The following ENO4 variants were observed in gnomAD, a reference collection of about 807,000 sequenced individuals.
ENO4 encodes enolase 4, also known as 2-phospho-D-glycerate hydro-lyase.
ENO4 carries 53 observed loss-of-function variants against 63.2 expected under a neutral mutation model. The observed-to-expected ratio is 0.84, with a 90% CI of 0.67 to 1.05. The LOEUF is 1.05. Among genes scored for constraint, ENO4 ranks in the 50% least tolerant of loss-of-function variants. The pLI is 0.00. For synonymous variants in ENO4, 266 were observed against 283.8 expected (o/e 0.94, Z 0.63); for missense variants, 719 against 772.0 (o/e 0.93, Z 0.81).
At chr10:116,900,407 A>T in intron 10 of ENO4, 1 of 782,094 alleles carries the variant, frequency 1.3e-6, no homozygotes, top group Non-Finnish European at 2.1e-6. Context: ...CTGTCAATTC[A>T]ACACATATTT....
At chr10:116,884,411 A>G (rs1200926247), downstream of ENO4, 1 of 370,840 alleles carries the variant, frequency 2.7e-6, no homozygotes, top group African/African-American at 2.1e-5. Context: ...GAAAGTAAGC[A>G]GCTTAAAAAA....
chr10:116,856,752 A>T, intron 3 of ENO4, 70 bp downstream of exon 3: 1 of 1,333,816 alleles, frequency 7.5e-7, no homozygotes, highest in Non-Finnish European at 9.9e-7. Flanking sequence ...CTGTAATCCC[A>T]GCACTTTGGG....
chr10:116,903,172 T>TC (rs1847815773), intron 10 of ENO4, among the ~76,000 whole-genome samples: 1 of 152,208 alleles, frequency 6.6e-6, no homozygotes. Context: ...GTTTCTATCT[T>TC]CCCCATTTAA....
At chr10:116,903,397 C>T (rs886201030) in intron 10 of ENO4, among the ~76,000 whole-genome samples, 2 of 151,918 alleles carry the variant, frequency 1.3e-5, no homozygotes, top group Non-Finnish European at 2.9e-5. Flanking sequence ...TGATGGTGGG[C>T]GCCTGTAATC....
chr10:116,861,805 A>G (rs565793302), intron 6 of ENO4, among the ~76,000 whole-genome samples: 1 of 152,112 alleles, frequency 6.6e-6, no homozygotes, highest in South Asian at 2.1e-4. Flanking sequence ...TAATAAGTTG[A>G]GTGATAGTTT....
intron 10 of ENO4, among the ~76,000 whole-genome samples, chr10:116,897,016 C>T (rs1199653426): frequency 2.6e-5 from 4 of 151,916 alleles, no homozygotes; most frequent in Admixed American, 6.5e-5. Flanking sequence ...CATGTTGGCC[C>T]GGCTGGTCTT....
intron 13 of ENO4, among the ~76,000 whole-genome samples, 154 bp downstream of exon 13, chr10:116,880,140 T>C (rs1437329591): frequency 6.6e-6 from 1 of 152,226 alleles, no homozygotes; most frequent in Non-Finnish European, 1.5e-5. Flanking sequence ...TGCCACAATG[T>C]ATATTGTTGT....
chr10:116,849,726 C>T lies in ENO4; in HGVS notation c.160C>T (p.His54Tyr). 2.0e-6 allele frequency: 3 copies of T among 1,521,606 alleles called. No homozygotes were observed. Among genetic ancestry groups the T allele is most frequent in the Non-Finnish European group, 2.6e-6 (3 of 1,132,542 alleles). The allele number at this position is 1,521,606 out of a possible 1,614,324, so 94.3% of individuals were successfully genotyped here. A position where few individuals can be genotyped will look rare whatever the true frequency, so the allele number is the denominator to read the frequency against. Residue 54 changes from histidine (H) to tyrosine (Y), a missense_variant, in exon 1 of 14, where the codon CAC (histidine) becomes TAC (tyrosine). By Grantham distance (83) the His-to-Tyr change is moderately conservative (BLOSUM62 2). Coordinates refer to ENST00000341276, the MANE Select transcript of ENO4 (RefSeq NM_001242699.2). ...FYLQPADVYG[H>Y]LANCFSKLAK... is the part of the protein sequence containing the mutation. ...CCTCCAGCCTGCCGACGTCTACGGGCACCTGGTAGGGACCTGGGACAAGCG... is the reference window on the plus strand; with the variant it reads ...CCTCCAGCCTGCCGACGTCTACGGGTACCTGGTAGGGACCTGGGACAAGCG...
chr10:116,881,548 A>T lies in ENO4; in HGVS notation c.1757A>T (p.Asn586Ile), dbSNP rs1174903921. 1.3e-6 allele frequency: 2 copies of T among 1,546,916 alleles called. No individual in the cohort carries two copies. The highest frequency in any genetic ancestry group is 2.0e-5 in the Admixed American group (1 of 49,938). ...FKEEHTFFYF[N>I]EEAEKAAEAL... is the part of the protein sequence containing the mutation. Reference sequence around the variant, plus strand: ...GAAGAACACACTTTTTTTTACTTTAATGAGGAAGCTGAAAAGGCTGCGGAG... The same window carrying T: ...GAAGAACACACTTTTTTTTACTTTATTGAGGAAGCTGAAAAGGCTGCGGAG... Residue 586 changes from asparagine to isoleucine, a missense_variant, in exon 14 of 14, where the codon AAT (asparagine) becomes ATT (isoleucine). Around this residue, in one of 3 missense-constraint regions of ENO4, gnomAD observed 168 missense variants for 163.3 expected, o/e 1.03. Transcript: ENST00000341276.
chr10:116,862,738 G>T, intron 6 of ENO4, 61 bp from the exon 7 acceptor site: 3 of 1,307,806 alleles, frequency 2.3e-6, no homozygotes, highest in Non-Finnish European at 2.2e-6. Flanking sequence ...CGTGTTATAA[G>T]TTTTTATACT....
At chr10:116,879,189 AG>A in intron 11 of ENO4, 101 bp from the exon 12 acceptor site, 3 of 747,650 alleles carry the variant, frequency 4.0e-6, no homozygotes, top group African/African-American at 1.8e-5. Context: ...GACTCTTCAC[AG>A]GGAAGTTTTA....
intron 10 of ENO4, among the ~76,000 whole-genome samples, chr10:116,898,623 T>C (rs894804598): frequency 6.6e-6 from 1 of 152,164 alleles, no homozygotes; most frequent in Non-Finnish European, 1.5e-5. Flanking sequence ...AGATGGTATA[T>C]ACTTATTAGA....
intron 3 of ENO4, 49 bp from the exon 4 acceptor site, chr10:116,858,941 T>C: frequency 7.9e-7 from 1 of 1,262,938 alleles, no homozygotes; most frequent in South Asian, 1.4e-5. Flanking sequence ...AATCACAGAG[T>C]GATATTCCTA....
intron 10 of ENO4, chr10:116,900,203 G>A (rs573690331): frequency 1.7e-4 from 40 of 235,158 alleles, no homozygotes; most frequent in Non-Finnish European, 2.5e-4. Flanking sequence ...CCGAATAATC[G>A]AGCATTAGGT....
rs1037753288 is a variant in ENO4 at position 116,856,578 on chromosome 10, G to C, written c.381G>C (p.Arg127Ser). 2 of 1,536,168 alleles carry C rather than the reference G, an allele frequency of 1.3e-6. No individual in the cohort carries two copies. Among genetic ancestry groups the C allele is most frequent in the African/African-American group, 1.4e-5 (1 of 73,156 alleles). Residue 127 changes from arginine (R) to serine (S), a missense_variant, in exon 3 of 14, where the codon AGG becomes AGC. Arg to Ser is a moderately radical substitution (Grantham distance 110). Coordinates refer to ENST00000341276, the MANE Select transcript of ENO4 (RefSeq NM_001242699.2). ...PELAKAEEAE[R>S]ASAVSTAVQW... ...TGGCCAAGGCGGAGGAGGCAGAGAGGGCCAGCGCGGTGAGCACCGCCGTGC... is the reference window on the plus strand; with the variant it reads ...TGGCCAAGGCGGAGGAGGCAGAGAGCGCCAGCGCGGTGAGCACCGCCGTGC...
At chr10:116,901,662 G>C in intron 10 of ENO4, 1 of 1,354,736 alleles carries the variant, frequency 7.4e-7, no homozygotes, top group Non-Finnish European at 9.5e-7. Context: ...ATTTACCGGC[G>C]AGCCAATCAA....
At chr10:116,899,673 G>A (rs565558793) in intron 10 of ENO4, among the ~76,000 whole-genome samples, 1 of 152,234 alleles carries the variant, frequency 6.6e-6, no homozygotes, top group East Asian at 1.9e-4. Flanking sequence ...AAACACTAAC[G>A]GTGGTGTTGC....
intron 1 of ENO4, among the ~76,000 whole-genome samples, chr10:116,852,180 G>T (rs916152945): frequency 3.3e-5 from 5 of 152,166 alleles, no homozygotes; most frequent in Admixed American, 2.6e-4. Context: ...AGAAGGATGT[G>T]TTTGCTTCTC....
intron 7 of ENO4, among the ~76,000 whole-genome samples, chr10:116,864,134 G>A (rs1320217973): frequency 6.6e-6 from 1 of 152,158 alleles, no homozygotes; most frequent in Non-Finnish European, 1.5e-5. Flanking sequence ...GCAGGTGAAG[G>A]AAACCCACCT....
Sources: allele counts gnomAD v4.1 joint callset (sites outside exome capture counted in the v4.1 genomes callset), GRCh38; gene constraint gnomAD v4.1.1; regional missense constraint gnomAD v4.1.1; transcripts MANE v1.5; gene names NCBI Gene and HGNC (gene_info 2026-07-23, HGNC 2026-07-21).